The following MAGI2 variants were observed in gnomAD, a reference collection of about 807,000 sequenced individuals.
MAGI2 encodes membrane associated guanylate kinase, WW and PDZ domain containing 2, also known as membrane-associated guanylate kinase, WW and PDZ domain-containing protein 2.
In MAGI2, 35 loss-of-function variants were observed where a neutral mutation model predicts 133.3. The observed-to-expected ratio is 0.26, with a 90% CI of 0.20 to 0.35. MAGI2 has a LOEUF of 0.35. Among genes scored for constraint, MAGI2 ranks in the 10% least tolerant of loss-of-function variants. The pLI is 1.00. For missense variants in MAGI2, 1,636 were observed against 1,863.4 expected (o/e 0.88, Z 2.25); for synonymous variants, 729 against 710.6 (o/e 1.03, Z -0.41).
intron 2 of MAGI2, among the ~76,000 whole-genome samples, chr7:78,708,758 G>A (rs551643479): frequency 7.2e-5 from 11 of 151,982 alleles, no homozygotes; most frequent in Non-Finnish European, 1.5e-4. Context: ...TTTAAGATAG[G>A]TATCAATAAC....
At chr7:78,778,091 G>A (rs1044443012) in intron 2 of MAGI2, among the ~76,000 whole-genome samples, 1 of 152,144 alleles carries the variant, frequency 6.6e-6, no homozygotes, top group African/African-American at 2.4e-5. Flanking sequence ...TTTGATTTCT[G>A]CAAGCCAGGC....
At chr7:78,172,707 C>T (rs951508640) in intron 14 of MAGI2, among the ~76,000 whole-genome samples, 2 of 152,202 alleles carry the variant, frequency 1.3e-5, no homozygotes, top group East Asian at 1.9e-4. Context: ...GAGGCAGAAA[C>T]CCATTTGATG....
At chr7:78,888,272 C>T (rs1796434652) in intron 2 of MAGI2, among the ~76,000 whole-genome samples, 1 of 152,232 alleles carries the variant, frequency 6.6e-6, no homozygotes, top group African/African-American at 2.4e-5. Context: ...TCAAGGAGGC[C>T]TGCCTGCCTC....
At chr7:78,613,835 G>A (rs1806748049) in intron 3 of MAGI2, among the ~76,000 whole-genome samples, 1 of 152,186 alleles carries the variant, frequency 6.6e-6, no homozygotes, top group African/African-American at 2.4e-5. Flanking sequence ...GAGGCCTGGT[G>A]CAGTGGCTCA....
chr7:78,834,668 G>A (rs1563560813), intron 2 of MAGI2, among the ~76,000 whole-genome samples: 1 of 152,034 alleles, frequency 6.6e-6, no homozygotes, highest in African/African-American at 2.4e-5. Flanking sequence ...TATGTATAAT[G>A]CTTTTGTTTG....
At chr7:79,142,743 G>T (rs1373648026) in intron 1 of MAGI2, among the ~76,000 whole-genome samples, 1 of 152,158 alleles carries the variant, frequency 6.6e-6, no homozygotes, top group Non-Finnish European at 1.5e-5. Flanking sequence ...TAAGCATGTT[G>T]GATCTAGCTC....
At chr7:78,211,646 A>C (rs1417953440) in intron 10 of MAGI2, among the ~76,000 whole-genome samples, 5 of 152,228 alleles carry the variant, frequency 3.3e-5, no homozygotes, top group Non-Finnish European at 5.9e-5. Flanking sequence ...TGCACTTTAC[A>C]TTCTATCAAT....
intron 3 of MAGI2, 47 bp from the exon 4 acceptor site, chr7:78,521,692 C>G: frequency 2.0e-6 from 3 of 1,507,532 alleles, no homozygotes; most frequent in Non-Finnish European, 2.8e-6. Flanking sequence ...TTTCTTCTAC[C>G]ATGTACATAA....
intron 6 of MAGI2, among the ~76,000 whole-genome samples, chr7:78,388,526 A>G (rs932448152): frequency 4.6e-5 from 7 of 152,224 alleles, no homozygotes; most frequent in Non-Finnish European, 1.0e-4. Flanking sequence ...TTAGAAAATT[A>G]TTAAGTAGGA....
intron 1 of MAGI2, among the ~76,000 whole-genome samples, chr7:79,398,792 TA>T (rs1845242109): frequency 1.3e-5 from 2 of 151,828 alleles, no homozygotes; most frequent in African/African-American, 2.4e-5. Flanking sequence ...TTTCTTAAAC[TA>T]ATTATTCTTT....
intron 7 of MAGI2, among the ~76,000 whole-genome samples, chr7:78,356,253 A>G (rs891104903): frequency 1.3e-5 from 2 of 152,188 alleles, no homozygotes; most frequent in Non-Finnish European, 2.9e-5. Flanking sequence ...CAATAACAAA[A>G]CTATGTATGT....
chr7:78,032,782 T>G (rs1809724800), intron 21 of MAGI2, among the ~76,000 whole-genome samples: 1 of 152,094 alleles, frequency 6.6e-6, no homozygotes, highest in Admixed American at 6.6e-5. Context: ...GGGATTTGAA[T>G]GCAGAGGAGG....
chr7:78,782,885 A>G (rs577435914), intron 2 of MAGI2, among the ~76,000 whole-genome samples: 39 of 152,156 alleles, frequency 2.6e-4, no homozygotes, highest in African/African-American at 8.9e-4. Context: ...CATCTCTCAG[A>G]CTTCTTTTGG....
intron 4 of MAGI2, among the ~76,000 whole-genome samples, chr7:78,510,261 G>C (rs1795455407): frequency 6.6e-6 from 1 of 152,088 alleles, no homozygotes. Flanking sequence ...CTTTAAAGTG[G>C]GAGGTTGAAC....
At chr7:78,308,712 T>C (rs1017124039) in intron 9 of MAGI2, among the ~76,000 whole-genome samples, 2 of 152,082 alleles carry the variant, frequency 1.3e-5, no homozygotes, top group Non-Finnish European at 2.9e-5. Flanking sequence ...CCTCCTTAGG[T>C]CTATACTTGA....
chr7:79,020,667 G>A (rs974672570), intron 1 of MAGI2, among the ~76,000 whole-genome samples: 1 of 151,828 alleles, frequency 6.6e-6, no homozygotes, highest in Non-Finnish European at 1.5e-5. Context: ...TGGGGAGACT[G>A]AGGCAGGAGA....
At chr7:78,478,728 A>G (rs6950700) in intron 6 of MAGI2, among the ~76,000 whole-genome samples, 39,459 of 151,850 alleles carry the variant, frequency 0.26, 5,376 homozygotes, top group South Asian at 0.35. Context: ...GGTGGAAAGA[A>G]GAAGGCAGGA....
chr7:78,409,753 G>A (rs1797701269), intron 6 of MAGI2, among the ~76,000 whole-genome samples: 1 of 151,948 alleles, frequency 6.6e-6, no homozygotes, highest in Non-Finnish European at 1.5e-5. Flanking sequence ...GCAGATTTAG[G>A]TACATGTTTC....
chr7:78,308,616 T>C (rs1798437625), intron 9 of MAGI2, among the ~76,000 whole-genome samples: 1 of 152,088 alleles, frequency 6.6e-6, no homozygotes, highest in South Asian at 2.1e-4. Flanking sequence ...CCATTTTTCT[T>C]CTGTATTACT....
Sources: allele counts gnomAD v4.1 joint callset (sites outside exome capture counted in the v4.1 genomes callset), GRCh38; gene constraint gnomAD v4.1.1; transcripts MANE v1.5; gene names NCBI Gene and HGNC (gene_info 2026-07-23, HGNC 2026-07-21).